DRC11: variants seen among roughly 807,000 people sequenced by gnomAD.
The protein encoded by DRC11 is dynein regulatory complex subunit 11.
At chr2:236,438,923 A>G in the DRC11 span, among the ~76,000 whole-genome samples, 2 of 150,446 alleles carry the variant, frequency 1.3e-5, no homozygotes, top group East Asian at 1.9e-4. Flanking sequence ...CTCACTCAAA[A>G]CCGCTCAACT....
At chr2:236,498,155 A>ATGAGGTGCAGGCTGGGCGTGG in the DRC11 span, among the ~76,000 whole-genome samples, 1 of 152,086 alleles carries the variant, frequency 6.6e-6, no homozygotes, top group African/African-American at 2.4e-5. Context: ...AGTGTGAGAA[A>ATGAGGTGCAGGCTGGGCGTGG]TGAGGTGCAG....
the DRC11 span, among the ~76,000 whole-genome samples, chr2:236,317,987 G>A: frequency 2.0e-5 from 3 of 152,226 alleles, no homozygotes; most frequent in South Asian, 4.1e-4. The surrounding 1 kb of genome is among the most constrained non-coding windows in gnomAD (Gnocchi z 5.4). Flanking sequence ...CTCCTCCCAG[G>A]CAGACACCGG....
the DRC11 span, among the ~76,000 whole-genome samples, chr2:236,426,060 G>C: frequency 6.6e-6 from 1 of 151,978 alleles, no homozygotes; most frequent in Non-Finnish European, 1.5e-5. The surrounding 1 kb of genome is among the most constrained non-coding windows in gnomAD (Gnocchi z 4.1). Flanking sequence ...TGGAAATCAG[G>C]AAGTGTGATG....
the DRC11 span, among the ~76,000 whole-genome samples, chr2:236,328,612 T>C: frequency 6.8e-6 from 1 of 146,262 alleles, no homozygotes; most frequent in Non-Finnish European, 1.6e-5. The surrounding 1 kb of genome is among the most constrained non-coding windows in gnomAD (Gnocchi z 6.7). Flanking sequence ...TAGTTGTTCC[T>C]GTCTTTGAGA....
the DRC11 span, among the ~76,000 whole-genome samples, chr2:236,422,475 C>CT: frequency 2.6e-5 from 4 of 152,142 alleles, no homozygotes; most frequent in Non-Finnish European, 4.4e-5. Context: ...AATAAAATAT[C>CT]TAGGAATCCA....
the DRC11 span, among the ~76,000 whole-genome samples, chr2:236,373,727 TTA>T: frequency 2.0e-5 from 3 of 152,232 alleles, no homozygotes; most frequent in Non-Finnish European, 4.4e-5. Flanking sequence ...TCCAATACTT[TTA>T]GAAGGAAGTG....
chr2:236,492,760 A>T, the DRC11 span, among the ~76,000 whole-genome samples: 14 of 152,234 alleles, frequency 9.2e-5, no homozygotes, highest in South Asian at 2.1e-4. Context: ...AAGACTCCCC[A>T]CCAGTAGGCT....
At chr2:236,360,197 C>T in the DRC11 span, among the ~76,000 whole-genome samples, 5 of 152,102 alleles carry the variant, frequency 3.3e-5, no homozygotes, top group African/African-American at 7.2e-5. The surrounding 1 kb of genome is among the most constrained non-coding windows in gnomAD (Gnocchi z 5.8). Flanking sequence ...TTTCAGTGAG[C>T]GGCCGTATAA....
At chr2:236,491,233 ATATATATACACAG>A in the DRC11 span, among the ~76,000 whole-genome samples, 49 of 69,374 alleles carry the variant, frequency 7.1e-4, 3 homozygotes, top group African/African-American at 3.3e-3. Flanking sequence ...ATATATATAT[ATATATATACACAG>A]TATATATATA....
At chr2:236,470,062 G>A in the DRC11 span, among the ~76,000 whole-genome samples, 1 of 152,114 alleles carries the variant, frequency 6.6e-6, no homozygotes, top group Admixed American at 6.5e-5. This position sits in a 1 kb window ranked among gnomAD's most constrained non-coding sequence, Gnocchi z 5.1. Flanking sequence ...GTAAAAATAG[G>A]ACATAATGTG....
the DRC11 span, among the ~76,000 whole-genome samples, chr2:236,315,440 T>A: frequency 0.017 from 2,546 of 152,310 alleles, 70 homozygotes; most frequent in African/African-American, 0.058. This position sits in a 1 kb window ranked among gnomAD's most constrained non-coding sequence, Gnocchi z 5.1. Context: ...TGGAAGACAC[T>A]GTGGCAATTC....
At chr2:236,499,284 C>T in the DRC11 span, among the ~76,000 whole-genome samples, 3 of 152,194 alleles carry the variant, frequency 2.0e-5, no homozygotes, top group Non-Finnish European at 4.4e-5. This position sits in a 1 kb window ranked among gnomAD's most constrained non-coding sequence, Gnocchi z 4.7. Context: ...CAATTTCAGC[C>T]CTGTCCCAGA....
At chr2:236,357,120 TTA>T in the DRC11 span, among the ~76,000 whole-genome samples, 1 of 132,622 alleles carries the variant, frequency 7.5e-6, no homozygotes, top group Admixed American at 8.0e-5. Context: ...TATCTATATA[TTA>T]TATATTCGTA....
At chr2:236,503,843 C>T in the DRC11 span, 27 of 708,076 alleles carry the variant, frequency 3.8e-5, no homozygotes, top group East Asian at 4.9e-4. The surrounding 1 kb of genome is among the most constrained non-coding windows in gnomAD (Gnocchi z 4.9). Flanking sequence ...TCTGGCCTTG[C>T]GCCCCACCTC....
At chr2:236,504,203 G>A in the DRC11 span, among the ~76,000 whole-genome samples, 2 of 150,042 alleles carry the variant, frequency 1.3e-5, no homozygotes, top group Admixed American at 6.7e-5. The surrounding 1 kb of genome is among the most constrained non-coding windows in gnomAD (Gnocchi z 5.0). Flanking sequence ...CGGCGGTGGG[G>A]GGGGGCGTTC....
the DRC11 span, among the ~76,000 whole-genome samples, chr2:236,489,391 T>TG: frequency 6.9e-6 from 1 of 144,772 alleles, no homozygotes. Flanking sequence ...TGGGTGCAGG[T>TG]GAGGCCTGTG....
chr2:236,436,163 T>G, the DRC11 span, among the ~76,000 whole-genome samples: 1 of 152,208 alleles, frequency 6.6e-6, no homozygotes, highest in South Asian at 2.1e-4. Context: ...GTTTTAAAAA[T>G]TTTTCTTGTG....
the DRC11 span, chr2:236,487,944 T>G: frequency 6.0e-5 from 73 of 1,217,888 alleles, no homozygotes; most frequent in Non-Finnish European, 7.5e-5. Flanking sequence ...AATTGAGATG[T>G]ATCTTTAGTG....
the DRC11 span, chr2:236,441,057 C>A: frequency 6.4e-7 from 1 of 1,553,938 alleles, no homozygotes; most frequent in South Asian, 1.2e-5. Context: ...ATGGTCTTGT[C>A]AGAAAAAATA....
Sources: allele counts gnomAD v4.1 joint callset (sites outside exome capture counted in the v4.1 genomes callset), GRCh38; gene constraint gnomAD v4.1.1; non-coding constraint Gnocchi (gnomAD v3.1); transcripts MANE v1.5; gene names NCBI Gene and HGNC (gene_info 2026-07-23, HGNC 2026-07-21).